ADGRB3: variants seen among roughly 807,000 people sequenced by gnomAD.
The protein encoded by ADGRB3 is brain-specific angiogenesis inhibitor 3.
ADGRB3 carries 37 observed loss-of-function variants against 193.4 expected under a neutral mutation model. The observed-to-expected ratio is 0.19, with a 90% CI of 0.15 to 0.25. ADGRB3 has a LOEUF of 0.25. Ranked by LOEUF, ADGRB3 falls within the 10% of genes least tolerant of loss-of-function variation. The pLI, the probability that ADGRB3 is intolerant of heterozygous loss-of-function variation, is 1.00. For missense variants in ADGRB3, 1,637 were observed against 1,852.9 expected (o/e 0.88, Z 2.14); for synonymous variants, 690 against 644.2 (o/e 1.07, Z -1.08).
intron 3 of ADGRB3, among the ~76,000 whole-genome samples, chr6:68,676,371 CAG>C (rs1272188966): frequency 2.5e-5 from 3 of 117,710 alleles, no homozygotes; most frequent in African/African-American, 6.9e-5. Context: ...AGCCTGGCGA[CAG>C]AGAGAGACTC....
At chr6:68,802,210 G>A (rs1767326131) in intron 3 of ADGRB3, among the ~76,000 whole-genome samples, 2 of 151,286 alleles carry the variant, frequency 1.3e-5, no homozygotes. Flanking sequence ...GTGTGTGTGT[G>A]TATGTGTGTG....
At chr6:68,957,812 A>G (rs1436191214) in intron 8 of ADGRB3, among the ~76,000 whole-genome samples, 1 of 152,210 alleles carries the variant, frequency 6.6e-6, no homozygotes, top group Non-Finnish European at 1.5e-5. Context: ...TTAGTATTAT[A>G]AAGACTTCTC....
chr6:69,202,938 C>T (rs1039157763), intron 17 of ADGRB3, among the ~76,000 whole-genome samples: 1 of 152,034 alleles, frequency 6.6e-6, no homozygotes, highest in African/African-American at 2.4e-5. Flanking sequence ...GTTACATGAC[C>T]TTTAACAGTA....
At chr6:69,340,087 G>A (rs1768943959) in intron 26 of ADGRB3, among the ~76,000 whole-genome samples, 1 of 152,134 alleles carries the variant, frequency 6.6e-6, no homozygotes, top group South Asian at 2.1e-4. Context: ...TGTATACAGT[G>A]AGACATGATA....
intron 15 of ADGRB3, among the ~76,000 whole-genome samples, chr6:69,058,224 T>C (rs1477981704): frequency 6.6e-6 from 1 of 151,988 alleles, no homozygotes; most frequent in Non-Finnish European, 1.5e-5. Context: ...TGTTGACATA[T>C]AATTAATTGT....
intron 11 of ADGRB3, among the ~76,000 whole-genome samples, chr6:69,002,415 C>T (rs909632520): frequency 5.9e-5 from 9 of 151,938 alleles, no homozygotes; most frequent in African/African-American, 1.9e-4. Context: ...CAAGGGATTT[C>T]GCCATGTTGG....
intron 4 of ADGRB3, among the ~76,000 whole-genome samples, chr6:68,934,488 G>T (rs981519702): frequency 6.6e-6 from 1 of 152,090 alleles, no homozygotes; most frequent in Non-Finnish European, 1.5e-5. Flanking sequence ...AGAGGAAAAG[G>T]ACTGCTTTTA....
chr6:68,713,895 A>G (rs1281099012), intron 3 of ADGRB3, among the ~76,000 whole-genome samples: 1 of 151,710 alleles, frequency 6.6e-6, no homozygotes, highest in Non-Finnish European at 1.5e-5. Context: ...TAGATCTTAC[A>G]GATTTATTAT....
chr6:68,837,708 G>T (rs979614777), intron 3 of ADGRB3, among the ~76,000 whole-genome samples: 5 of 152,100 alleles, frequency 3.3e-5, no homozygotes, highest in African/African-American at 1.2e-4. Context: ...TTTCTCACTT[G>T]GAAAATTGGT....
chr6:69,034,781 A>G (rs1217311869), intron 13 of ADGRB3, among the ~76,000 whole-genome samples: 1 of 151,756 alleles, frequency 6.6e-6, no homozygotes, highest in Non-Finnish European at 1.5e-5. Context: ...TCACTCATTT[A>G]GTGTTAGTGG....
intron 3 of ADGRB3, among the ~76,000 whole-genome samples, chr6:68,775,413 G>A (rs968469180): frequency 6.6e-6 from 1 of 152,128 alleles, no homozygotes; most frequent in Non-Finnish European, 1.5e-5. Context: ...GAACTGGACA[G>A]TGTCTTTTTT....
At chr6:69,119,637 A>G (rs1291181005) in intron 17 of ADGRB3, among the ~76,000 whole-genome samples, 2 of 152,118 alleles carry the variant, frequency 1.3e-5, no homozygotes, top group South Asian at 2.1e-4. Context: ...TCCAGGAAGA[A>G]GGAAGAACTC....
intron 17 of ADGRB3, among the ~76,000 whole-genome samples, chr6:69,180,438 T>G (rs1775548741): frequency 6.6e-6 from 1 of 151,924 alleles, no homozygotes. Flanking sequence ...AGGTGTGGAG[T>G]GAAGACGTCT....
Position 68,940,547 on chromosome 6 carries a change from C to CTTTTTTTTTTT in ADGRB3, c.1031-3272_1031-3262dup. 3.8e-4 allele frequency among the ~76,000 whole-genome samples: 26 copies of CTTTTTTTTTTT among 69,204 alleles called. 2 individuals carry two copies. Among genetic ancestry groups the CTTTTTTTTTTT allele is most frequent in the African/African-American group, 1.1e-3 (19 of 17,572 alleles). The allele number at this position is 69,204 out of a possible 152,430, so 45.4% of individuals were successfully genotyped here. ...CTGCAGGCTAAGGAATGCTTTTGAA[C>CTTTTTTTTTTT]TTTTTTTTTTTTTTTTTTTTTGCTA... is the stretch of plus-strand genomic sequence containing the variant. On this transcript the variant is annotated intron_variant, in intron 5 of 31. Transcript: ENST00000370598.
At chr6:69,374,136 G>A (rs989828019) in intron 30 of ADGRB3, among the ~76,000 whole-genome samples, 8 of 151,954 alleles carry the variant, frequency 5.3e-5, no homozygotes, top group African/African-American at 1.9e-4. Flanking sequence ...ATTACTACAG[G>A]TGTCAAAATT....
chr6:68,930,796 G>A (rs1767317141), intron 4 of ADGRB3, 127 bp downstream of exon 4: 3 of 696,556 alleles, frequency 4.3e-6, no homozygotes, highest in South Asian at 2.1e-5. Flanking sequence ...CATTTTTTTT[G>A]TCACCAGTTA....
At chr6:68,926,085 A>G (rs1205316537) in intron 3 of ADGRB3, among the ~76,000 whole-genome samples, 1 of 152,122 alleles carries the variant, frequency 6.6e-6, no homozygotes, top group Non-Finnish European at 1.5e-5. Context: ...CATTGAACTA[A>G]GCAAGTTAAA....
In ADGRB3 at chr6:69,243,198, G is replaced by C. The variant is rs138464049; in HGVS notation, c.2814+3972G>C. On this transcript the variant is annotated intron_variant, in intron 20 of 31. Transcript: ENST00000370598. ...GGGAGATAGCTTCTCTCTCTCACAA[G>C]CTCACTACCAGGTTATAAAAAAAAG... Among the ~76,000 whole-genome samples the C allele has an allele frequency of 2.9e-3, 448 of 151,874 alleles. 1 individual carries two copies. The highest frequency in any genetic ancestry group is 0.01 in the African/African-American group (421 of 41,470).
At chr6:68,928,832 T>C (rs927812223) in intron 3 of ADGRB3, among the ~76,000 whole-genome samples, 4 of 152,068 alleles carry the variant, frequency 2.6e-5, no homozygotes, top group African/African-American at 9.7e-5. Context: ...TACCCGCAAC[T>C]TAAAATACAA....
Sources: gnomAD v4.1 joint callset for allele counts (sites outside exome capture counted in the v4.1 genomes callset) on GRCh38, gnomAD v4.1.1 for gene constraint, MANE v1.5 for transcripts, NCBI Gene and HGNC (gene_info 2026-07-23, HGNC 2026-07-21) for gene names.